Variants in PDE3A observed in about 807,000 individuals in gnomAD.
PDE3A encodes the protein cGMP-inhibited 3',5'-cyclic phosphodiesterase 3A.
PDE3A carries 43 observed loss-of-function variants against 98.3 expected under a neutral mutation model. The ratio of observed to expected loss-of-function variants is 0.44; its 90% confidence interval spans 0.34 to 0.56. The LOEUF is 0.56. Among genes scored for constraint, PDE3A ranks in the 20% least tolerant of loss-of-function variants. The probability of loss-of-function intolerance (pLI) is 0.01; values close to 1 mark genes in which losing one functional copy is unlikely to be tolerated. For synonymous variants in PDE3A, 663 were observed against 567.9 expected, an observed-to-expected ratio of 1.17 and a Z score of -2.38; for missense variants, 1,427 against 1,440.7, an observed-to-expected ratio of 0.99 and a Z score of 0.15.
At chr12:20,400,391 T>G (rs11045217) in intron 1 of PDE3A, among the ~76,000 whole-genome samples, 4,261 of 19,128 alleles carry the variant, frequency 0.22, 220 homozygotes, top group Admixed American at 0.24. Context: ...TTTTTTTTTT[T>G]TTTTTTTTTT....
At chr12:20,631,160 C>G (rs1259867383) in intron 6 of PDE3A, among the ~76,000 whole-genome samples, 1 of 151,870 alleles carries the variant, frequency 6.6e-6, no homozygotes. Context: ...ATTCGTTTGC[C>G]CAGAGCCAAA....
rs370224286 is a variant in PDE3A, at chr12:20,422,311, T to G, written c.960+52067T>G. Among the ~76,000 whole-genome samples the G allele has an allele frequency of 7.2e-5, 11 of 151,740 alleles. No individual in the cohort carries two copies. The East Asian group carries it at 2.1e-3, about 29-fold the overall frequency. ...GTGAGCCAAGATCGCACCACTGCACTCCAGCCTGGGCAACAGAGCGAGACT... is the reference window on the plus strand; with the variant it reads ...GTGAGCCAAGATCGCACCACTGCACGCCAGCCTGGGCAACAGAGCGAGACT... On this transcript the variant is annotated intron_variant, in intron 1 of 15. Coordinates refer to ENST00000359062, the MANE Select transcript of PDE3A (RefSeq NM_000921.5).
At chr12:20,582,660 C>A (rs1295550652) in intron 2 of PDE3A, among the ~76,000 whole-genome samples, 1 of 152,012 alleles carries the variant, frequency 6.6e-6, no homozygotes, top group Admixed American at 6.6e-5. Context: ...TTTATTGCAA[C>A]TACAGATATT....
intron 15 of PDE3A, among the ~76,000 whole-genome samples, chr12:20,658,950 G>A (rs1415332131): frequency 2.0e-5 from 3 of 152,028 alleles, no homozygotes; most frequent in Non-Finnish European, 4.4e-5. Flanking sequence ...TGAGAGAAAT[G>A]GCAAGCCCAT....
chr12:20,667,986 T>A (rs1000235124), intron 15 of PDE3A, among the ~76,000 whole-genome samples: 1 of 152,018 alleles, frequency 6.6e-6, no homozygotes, highest in African/African-American at 2.4e-5. Flanking sequence ...GGTCAGTGGG[T>A]GCGCGCACCG....
At chr12:20,508,771 G>C (rs1946164037) in intron 1 of PDE3A, among the ~76,000 whole-genome samples, 1 of 150,182 alleles carries the variant, frequency 6.7e-6, no homozygotes, top group Non-Finnish European at 1.5e-5. Flanking sequence ...GATTCTTTTT[G>C]TGAGCTCAAA....
intron 1 of PDE3A, among the ~76,000 whole-genome samples, chr12:20,381,708 A>T (rs1000223932): frequency 2.0e-5 from 3 of 151,938 alleles, no homozygotes; most frequent in Non-Finnish European, 2.9e-5. Flanking sequence ...CATGTATGCT[A>T]ATAGCAATCT....
intron 1 of PDE3A, among the ~76,000 whole-genome samples, chr12:20,403,504 C>A (rs540432083): frequency 4.6e-5 from 7 of 152,256 alleles, no homozygotes; most frequent in African/African-American, 1.7e-4. Flanking sequence ...TGTAGGACAG[C>A]TCTTAGGATT....
chr12:20,413,311 A>G (rs1220931873), intron 1 of PDE3A, among the ~76,000 whole-genome samples: 2 of 152,184 alleles, frequency 1.3e-5, no homozygotes, highest in East Asian at 3.9e-4. Context: ...GAAGACTTGC[A>G]AGCTTGTGCA....
At chr12:20,532,923 G>A (rs535404549) in intron 1 of PDE3A, among the ~76,000 whole-genome samples, 2 of 152,162 alleles carry the variant, frequency 1.3e-5, no homozygotes, top group Admixed American at 1.3e-4. Flanking sequence ...TGATCCGCCC[G>A]CCTCGGCCTC....
intron 8 of PDE3A, among the ~76,000 whole-genome samples, chr12:20,636,140 T>C (rs142920232): frequency 2.2e-3 from 333 of 152,306 alleles, no homozygotes; most frequent in Non-Finnish European, 2.3e-3. Context: ...TTGTTTTTCT[T>C]GTCATATTGT....
chr12:20,514,520 A>G (rs986558644), intron 1 of PDE3A, among the ~76,000 whole-genome samples: 1 of 152,178 alleles, frequency 6.6e-6, no homozygotes, highest in Non-Finnish European at 1.5e-5. Flanking sequence ...GAACCCTTGA[A>G]GACAAAGGGT....
At chr12:20,645,530 G>C (rs1279691674) in intron 10 of PDE3A, among the ~76,000 whole-genome samples, 4 of 151,970 alleles carry the variant, frequency 2.6e-5, no homozygotes, top group Non-Finnish European at 4.4e-5. Context: ...TTGGTTAGCA[G>C]AAATACAATA....
Position 20,639,891 on chromosome 12 carries a change from A to G in PDE3A, c.2185A>G (p.Lys729Glu), listed in dbSNP as rs1565459220. The change falls in exon 10 of 16, where the codon AAA becomes GAA. Residue 729 changes from lysine (K) to glutamate (E), a missense_variant. Lys to Glu is a moderately conservative substitution (Grantham distance 56). Around this residue, in one of 3 missense-constraint regions of PDE3A, gnomAD observed 273 missense variants for 420.3 expected, o/e 0.65. Transcript: ENST00000359062. ...AGACATGGGCCTCTTTGAAGCTTTT[A>G]AAATTCCAATTAGGGAATTTATGAA... ...FEDMGLFEAF[K>E]IPIREFMNYF... 6.3e-7 allele frequency: 1 copy of G among 1,587,394 alleles called. No individual in the cohort carries two copies. Among genetic ancestry groups the G allele is most frequent in the Non-Finnish European group, 8.6e-7 (1 of 1,156,346 alleles).
chr12:20,401,830 G>C (rs145133462), intron 1 of PDE3A, among the ~76,000 whole-genome samples: 1 of 152,050 alleles, frequency 6.6e-6, no homozygotes, highest in Non-Finnish European at 1.5e-5. Flanking sequence ...CCTCTCCTGC[G>C]CCCCACATTA....
intron 1 of PDE3A, among the ~76,000 whole-genome samples, chr12:20,415,055 G>T (rs1461730072): frequency 6.6e-6 from 1 of 151,114 alleles, no homozygotes; most frequent in African/African-American, 2.4e-5. Flanking sequence ...TTTATTTAAA[G>T]ACTTTCTTTT....
At chr12:20,652,689 G>T (rs998555684) in intron 14 of PDE3A, among the ~76,000 whole-genome samples, 1 of 151,942 alleles carries the variant, frequency 6.6e-6, no homozygotes, top group Non-Finnish European at 1.5e-5. Flanking sequence ...AGATGAGTAG[G>T]TTGCAAAAAT....
At chr12:20,526,884 CTGTGTGTGTGTG>C (rs71039949) in intron 1 of PDE3A, among the ~76,000 whole-genome samples, 11,679 of 136,898 alleles carry the variant, frequency 0.085, 562 homozygotes, top group Non-Finnish European at 0.11. Context: ...ACATTTTTTT[CTGTGTGTGTGTG>C]TGTGTGTGTG....
intron 1 of PDE3A, among the ~76,000 whole-genome samples, chr12:20,416,549 G>A (rs5014034): frequency 0.62 from 94,057 of 152,010 alleles, 30,842 homozygotes; most frequent in East Asian, 0.88. Context: ...TCTAAAGTTT[G>A]CAGTTACTTT....
Sources: allele counts gnomAD v4.1 joint callset (sites outside exome capture counted in the v4.1 genomes callset), GRCh38; gene constraint gnomAD v4.1.1; regional missense constraint gnomAD v4.1.1; transcripts MANE v1.5; gene names NCBI Gene and HGNC (gene_info 2026-07-23, HGNC 2026-07-21).